Variants in MYO16 observed in about 807,000 individuals in gnomAD.
MYO16 encodes the protein myosin XVI.
In MYO16, 94 loss-of-function variants were observed where a neutral mutation model predicts 205.3. The ratio of observed to expected loss-of-function variants is 0.46; its 90% CI spans 0.39 to 0.54. The LOEUF (loss-of-function observed/expected upper bound fraction) is 0.54, where lower values mean the gene tolerates loss of function less well. Ranked by LOEUF, MYO16 falls within the 20% of genes least tolerant of loss-of-function variation. The probability of loss-of-function intolerance (pLI) is 0.00; values close to 1 mark genes in which losing one functional copy is unlikely to be tolerated. For missense variants in MYO16, 2,315 were observed against 2,387.5 expected (o/e 0.97, Z 0.63); for synonymous variants, 988 against 954.0 (o/e 1.04, Z -0.66).
intron 27 of MYO16, among the ~76,000 whole-genome samples, chr13:109,070,926 G>C (rs911607024): frequency 6.6e-6 from 1 of 152,106 alleles, no homozygotes; most frequent in African/African-American, 2.4e-5. Flanking sequence ...GAAAAATTCA[G>C]TTAGAGCTGA....
intron 20 of MYO16, among the ~76,000 whole-genome samples, chr13:108,976,595 T>C (rs1296134070): frequency 6.6e-6 from 1 of 152,190 alleles, no homozygotes; most frequent in African/African-American, 2.4e-5. Context: ...TAATTGAGTG[T>C]TGGTATAAAA....
chr13:108,680,291 G>C (rs1882408056), intron 2 of MYO16, among the ~76,000 whole-genome samples: 1 of 152,278 alleles, frequency 6.6e-6, no homozygotes, highest in East Asian at 1.9e-4. Context: ...TTCAATTACT[G>C]TCCATGTTAT....
At chr13:108,705,188 T>A (rs935420860) in intron 2 of MYO16, among the ~76,000 whole-genome samples, 9 of 152,208 alleles carry the variant, frequency 5.9e-5, no homozygotes, top group African/African-American at 2.2e-4. Context: ...CTCCATTCCA[T>A]CTGGGACATG....
At chr13:108,572,552 C>T in the MYO16 span, among the ~76,000 whole-genome samples, 50 of 152,264 alleles carry the variant, frequency 3.3e-4, no homozygotes, top group South Asian at 1.0e-3. Context: ...CATCTTATTT[C>T]GGTAGATCAC....
intron 1 of MYO16, among the ~76,000 whole-genome samples, chr13:108,619,664 G>A (rs1280897649): frequency 6.6e-6 from 1 of 152,074 alleles, no homozygotes; most frequent in Non-Finnish European, 1.5e-5. Flanking sequence ...GAAAGGGGAA[G>A]GGACTGATCG....
chr13:108,858,185 A>G (rs1007090540), intron 11 of MYO16, among the ~76,000 whole-genome samples: 1 of 152,218 alleles, frequency 6.6e-6, no homozygotes, highest in Non-Finnish European at 1.5e-5. Context: ...CTCTTCCAGC[A>G]GTTTGTTGGT....
Position 109,127,146 on chromosome 13 carries a change from C to G in MYO16, c.3783-136C>G. On this transcript the variant is annotated intron_variant, in intron 30 of 34. Coordinates refer to ENST00000457511, the MANE Select transcript of MYO16 (RefSeq NM_001198950.3). The surrounding 1 kb of genome is among the most constrained non-coding windows in gnomAD (Gnocchi z 4.2). ...CAACTGGTCACCAGAGGGCTGCACACGTCCTCCAGCCACAGCAGGAAGGGC... is the reference window on the plus strand; with the variant it reads ...CAACTGGTCACCAGAGGGCTGCACAGGTCCTCCAGCCACAGCAGGAAGGGC... The G allele has an allele frequency of 8.6e-7, 1 of 1,163,538 alleles. No homozygotes were observed. Among genetic ancestry groups the G allele is most frequent in the Non-Finnish European group, 1.2e-6 (1 of 853,986 alleles). The allele number at this position is 1,163,538 out of a possible 1,614,324, so 72.1% of individuals were successfully genotyped here. A position where few individuals can be genotyped will look rare whatever the true frequency, so the allele number is the denominator to read the frequency against.
chr13:109,119,130 C>T (rs935245622), intron 28 of MYO16, among the ~76,000 whole-genome samples: 3 of 152,206 alleles, frequency 2.0e-5, no homozygotes, highest in African/African-American at 7.2e-5. Flanking sequence ...TTGGAATAAA[C>T]TCCATTTTCA....
At chr13:108,724,076 T>C (rs749395050) in intron 3 of MYO16, among the ~76,000 whole-genome samples, 5 of 152,220 alleles carry the variant, frequency 3.3e-5, no homozygotes, top group Non-Finnish European at 7.4e-5. Context: ...ATATTCTTAA[T>C]GCTATCTTAA....
chr13:108,612,389 T>C (rs1040722085), intron 1 of MYO16, among the ~76,000 whole-genome samples: 2 of 152,206 alleles, frequency 1.3e-5, no homozygotes, highest in African/African-American at 4.8e-5. Context: ...AAATATAAGA[T>C]TCTACAGGAG....
At chr13:108,743,004 A>C (rs1884955653) in intron 4 of MYO16, among the ~76,000 whole-genome samples, 1 of 152,222 alleles carries the variant, frequency 6.6e-6, no homozygotes, top group Non-Finnish European at 1.5e-5. Flanking sequence ...TTTCACATTT[A>C]ATTTGACAAA....
chr13:109,076,330 G>A (rs528532327), intron 27 of MYO16, among the ~76,000 whole-genome samples: 1 of 152,124 alleles, frequency 6.6e-6, no homozygotes, highest in African/African-American at 2.4e-5. Context: ...TAGTCTAAAA[G>A]TAGAAGCTTA....
chr13:108,633,425 T>C (rs1179688791), intron 1 of MYO16, among the ~76,000 whole-genome samples: 1 of 152,186 alleles, frequency 6.6e-6, no homozygotes, highest in Non-Finnish European at 1.5e-5. Context: ...TGGAGTCTGA[T>C]GTTCAAGGGC....
intron 1 of MYO16, among the ~76,000 whole-genome samples, chr13:108,616,505 G>T (rs1273484467): frequency 6.6e-6 from 1 of 152,054 alleles, no homozygotes; most frequent in Non-Finnish European, 1.5e-5. Flanking sequence ...ATATGATGAT[G>T]ACTTGGGAAC....
chr13:109,108,082 A>G, intron 28 of MYO16, among the ~76,000 whole-genome samples: 1 of 152,160 alleles, frequency 6.6e-6, no homozygotes, highest in Admixed American at 6.5e-5. Context: ...TAAAAATGAT[A>G]TTACATGTAT....
chr13:109,153,279 G>A (rs1594133523), intron 32 of MYO16, among the ~76,000 whole-genome samples: 1 of 152,162 alleles, frequency 6.6e-6, no homozygotes, highest in Non-Finnish European at 1.5e-5. Context: ...CAGAACAAGA[G>A]GAGGTTGTCC....
chr13:108,764,560 C>G (rs1885717403), intron 4 of MYO16, among the ~76,000 whole-genome samples: 1 of 152,072 alleles, frequency 6.6e-6, no homozygotes, highest in Admixed American at 6.6e-5. Context: ...CAAATACTTA[C>G]CTGTGGTACG....
In MYO16 at chr13:108,731,648, A is replaced by T. The variant is rs1238373886; in HGVS notation, c.507+4065A>T. On this transcript the variant is annotated intron_variant, in intron 4 of 34. Transcript: ENST00000457511. ...TGTCCTGTTTCTCACAGTGCAGAATAATCCAACCTAATATACAAAGTAATA... is the reference window on the plus strand; with the variant it reads ...TGTCCTGTTTCTCACAGTGCAGAATTATCCAACCTAATATACAAAGTAATA... Among the ~76,000 whole-genome samples the T allele has an allele frequency of 3.3e-5, 5 of 152,200 alleles. No homozygotes were observed. In the South Asian group the frequency reaches 1.0e-3, roughly 32 times the overall value.
chr13:108,762,306 T>C (rs9521015), intron 4 of MYO16, among the ~76,000 whole-genome samples: 73,902 of 152,082 alleles, frequency 0.49, 19,489 homozygotes, highest in East Asian at 0.63. Flanking sequence ...AATAAACACA[T>C]GAGGGCAGGC....
Sources: gnomAD v4.1 joint callset for allele counts (sites outside exome capture counted in the v4.1 genomes callset) on GRCh38, gnomAD v4.1.1 for gene constraint, Gnocchi (gnomAD v3.1) non-coding constraint, MANE v1.5 for transcripts, NCBI Gene and HGNC (gene_info 2026-07-23, HGNC 2026-07-21) for gene names.